The following OR2T33 variants were observed in gnomAD, a reference collection of about 807,000 sequenced individuals.
The protein encoded by OR2T33 is olfactory receptor family 2 subfamily T member 33.
OR2T33 carries 10 observed loss-of-function variants against 14.0 expected under a neutral mutation model. The ratio of observed to expected loss-of-function variants is 0.72; its 90% CI spans 0.44 to 1.22. The LOEUF is 1.22. Among genes scored for constraint, OR2T33 ranks in the 50% most tolerant of loss-of-function variants. OR2T33 has a pLI of 0.00. For missense variants in OR2T33, 276 were observed against 405.9 expected, an observed-to-expected ratio of 0.68 and a Z score of 2.75; for synonymous variants, 103 against 159.4, an observed-to-expected ratio of 0.65 and a Z score of 2.66.
In OR2T33 at chr1:248,273,346, G is replaced by C; in HGVS notation, c.469C>G (p.Gln157Glu). ...GGGAAGCTCAGGGTAACAACAGCCTGCAGGAGCCCGTCAGCTGCACCCAGG... is the reference window on the plus strand; with the variant it reads ...GGGAAGCTCAGGGTAACAACAGCCTCCAGGAGCCCGTCAGCTGCACCCAGG... ...WLLGAADGLLQAVVTLSFPYC... is the reference protein window; with the variant it reads ...WLLGAADGLLEAVVTLSFPYC... The change falls in exon 2 of 2, where the codon CAG (glutamine) becomes GAG (glutamate). Residue 157 changes from glutamine to glutamate, a missense_variant. Coordinates refer to ENST00000641220, the MANE Select transcript of OR2T33 (RefSeq NM_001004695.2). The C allele has an allele frequency of 6.2e-7, 1 of 1,611,986 alleles. No homozygotes were observed. Among genetic ancestry groups the C allele is most frequent in the Non-Finnish European group, 8.5e-7 (1 of 1,179,852 alleles).
At position 248,273,106 on chromosome 1, in the gene OR2T33, C is replaced by A; in HGVS notation, c.709G>T (p.Ala237Ser). ...ACAGCCACATGTGAAGAGCAGGTGGCAAAGGCCTTCTTGCGGGCTTCTGTA... is the reference window on the plus strand; with the variant it reads ...ACAGCCACATGTGAAGAGCAGGTGGAAAAGGCCTTCTTGCGGGCTTCTGTA... ...RSTEARKKAF[A>S]TCSSHVAVVG... Residue 237 changes from alanine (A) to serine (S), a missense_variant, in exon 2 of 2, where the codon GCC becomes TCC. Ala to Ser is a moderately conservative substitution (Grantham distance 99, BLOSUM62 1). Transcript: ENST00000641220. 1 of 1,612,132 alleles carries A rather than the reference C, an allele frequency of 6.2e-7. No individual in the cohort carries two copies. Among genetic ancestry groups the A allele is most frequent in the Non-Finnish European group, 8.5e-7 (1 of 1,179,820 alleles).
chr1:248,270,782 A>G lies in OR2T33; in HGVS notation c.*2070T>C, dbSNP rs1322568434. On this transcript the variant is annotated 3_prime_UTR_variant, in exon 2 of 2. Coordinates refer to ENST00000641220, the MANE Select transcript of OR2T33 (RefSeq NM_001004695.2). ...CCCACTAATCGTAGAAAACAAAATT[A>G]TATATTGGACTTTACAAAAATCAAA... 1 of 152,194 alleles carries G rather than the reference A, an allele frequency of 6.6e-6. No homozygotes were observed. Among genetic ancestry groups the G allele is most frequent in the Non-Finnish European group, 1.5e-5 (1 of 68,028 alleles). 9.4% of individuals were successfully genotyped at this position (152,194 alleles called of 1,614,324 possible).
rs1442558328 is a variant in OR2T33 at position 248,272,760 on chromosome 1, T to G, written c.*92A>C. ...TATCCTATTATATCAATGCAAAAAC[T>G]TAATTTTCTCTGCATGAATTGCTAA... On this transcript the variant is annotated 3_prime_UTR_variant, in exon 2 of 2. Transcript: ENST00000641220. 1.3e-6 allele frequency: 2 copies of G among 1,486,624 alleles called. No homozygotes were observed. Among genetic ancestry groups the G allele is most frequent in the East Asian group, 4.5e-5 (2 of 44,014 alleles). 92.1% of individuals were successfully genotyped at this position (1,486,624 alleles called of 1,614,324 possible).
Position 248,270,267 on chromosome 1 carries a change from TGTGGGGTGGGGGAA to T in OR2T33, c.*2571_*2584del, listed in dbSNP as rs1426237667. The T allele has an allele frequency of 6.6e-6, 1 of 151,804 alleles. No homozygotes were observed. The highest frequency in any genetic ancestry group is 1.9e-4 in the East Asian group (1 of 5,176). 9.4% of individuals were successfully genotyped at this position (151,804 alleles called of 1,614,324 possible). A position where few individuals can be genotyped will look rare whatever the true frequency, so the allele number is the denominator to read the frequency against. ...GGGAACATCACACACCGGGGCCTGT[TGTGGGGTGGGGGAA>T]GCGGGGAGGGATAGCACTAGGAGAT... On this transcript the variant is annotated 3_prime_UTR_variant, in exon 2 of 2. Transcript: ENST00000641220.
rs1306460862 is a variant in OR2T33 at position 248,272,789 on chromosome 1, G to T, written c.*63C>A. On this transcript the variant is annotated 3_prime_UTR_variant, in exon 2 of 2. Coordinates refer to ENST00000641220, the MANE Select transcript of OR2T33 (RefSeq NM_001004695.2). Reference sequence around the variant, plus strand: ...TTTTCTCTGCATGAATTGCTAAAGGGAGAGAATAACAATGTGTTAAAATAT... The same window carrying T: ...TTTTCTCTGCATGAATTGCTAAAGGTAGAGAATAACAATGTGTTAAAATAT... 12 of 1,526,682 alleles carry T rather than the reference G, an allele frequency of 7.9e-6. No homozygotes were observed. In the East Asian group the frequency reaches 1.4e-4, roughly 17 times the overall value. The allele number at this position is 1,526,682 out of a possible 1,614,324, so 94.6% of individuals were successfully genotyped here. A position where few individuals can be genotyped will look rare whatever the true frequency, so the allele number is the denominator to read the frequency against.
intron 1 of OR2T33, among the ~76,000 whole-genome samples, chr1:248,274,572 C>T (rs1659426929): frequency 6.6e-6 from 1 of 152,108 alleles, no homozygotes; most frequent in South Asian, 2.1e-4. Context: ...CCTCACACAA[C>T]ATTTTGCCAT....
In OR2T33 at chr1:248,272,882, G is replaced by C. The variant is rs142308940; in HGVS notation, c.933C>G (p.His311Gln). ...RWLGTCVNIK[H>Q]QQNEAHRSR is the part of the protein sequence containing the mutation. ...TTGACCTGTGGGCCTCATTTTGCTG[G>C]TGTTTTATGTTTACACACGTCCCCA... Residue 311 changes from histidine to glutamine, a missense_variant, in exon 2 of 2, where the codon CAC (histidine) becomes CAG (glutamine). Transcript: ENST00000641220. 1,272 of 1,613,520 alleles carry C rather than the reference G, an allele frequency of 7.9e-4. 2 individuals are homozygous for C. The highest frequency in any genetic ancestry group is 9.9e-4 in the Non-Finnish European group (1,172 of 1,179,776).
At chr1:248,276,762 G>T (rs752393824) in intron 1 of OR2T33, among the ~76,000 whole-genome samples, 3 of 152,212 alleles carry the variant, frequency 2.0e-5, no homozygotes. Context: ...TCAGCACATT[G>T]TATCAGTCAG....
chr1:248,273,966 G>A, intron 1 of OR2T33, 144 bp from the exon 2 acceptor site: 2 of 1,172,032 alleles, frequency 1.7e-6, no homozygotes, highest in Non-Finnish European at 2.4e-6. Context: ...CAGTGAGCAT[G>A]GCTTTTCCTG....
chr1:248,277,805 G>A lies in OR2T33; in HGVS notation c.-49C>T, dbSNP rs1037543917. Reference sequence around the variant, plus strand: ...TCACAGCCAGTGTGACATATATATGGGACTGAATCTTTCTGATGGTTTGAG... The same window carrying A: ...TCACAGCCAGTGTGACATATATATGAGACTGAATCTTTCTGATGGTTTGAG... On this transcript the variant is annotated 5_prime_UTR_variant, in exon 1 of 2. Coordinates refer to ENST00000641220, the MANE Select transcript of OR2T33 (RefSeq NM_001004695.2). 9.2e-5 allele frequency: 14 copies of A among 152,102 alleles called. No homozygotes were observed. The highest frequency in any genetic ancestry group is 2.1e-4 in the South Asian group (1 of 4,812). 9.4% of individuals were successfully genotyped at this position (152,102 alleles called of 1,614,324 possible).
Position 248,273,588 on chromosome 1 carries a change from A to C in OR2T33, c.227T>G (p.Val76Gly). 1 of 1,613,496 alleles carries C rather than the reference A, an allele frequency of 6.2e-7. No individual in the cohort carries two copies. The highest frequency in any genetic ancestry group is 1.3e-5 in the African/African-American group (1 of 75,042). Residue 76 changes from valine (V) to glycine (G), a missense_variant, in exon 2 of 2, where the codon GTG becomes GGG. Coordinates refer to ENST00000641220, the MANE Select transcript of OR2T33 (RefSeq NM_001004695.2). ...LMDMMLVSTT[V>G]PKMAADYLTG... ...CAAGTAGTCAGCCGCCATTTTGGGCACAGTGGTGGAAACCAGCATCATGTC... is the reference window on the plus strand; with the variant it reads ...CAAGTAGTCAGCCGCCATTTTGGGCCCAGTGGTGGAAACCAGCATCATGTC...
rs777287203 is a variant in OR2T33, at chr1:248,273,576, G to T, written c.239C>A (p.Ala80Glu). ...CTTACTTCCGGTCAAGTAGTCAGCC[G>T]CCATTTTGGGCACAGTGGTGGAAAC... is the stretch of plus-strand genomic sequence containing the variant. ...MLVSTTVPKM[A>E]ADYLTGSKAI... The change falls in exon 2 of 2, where the codon GCG (alanine) becomes GAG (glutamate). Residue 80 changes from alanine to glutamate, a missense_variant. Ala to Glu is a moderately radical substitution (Grantham distance 107). Coordinates refer to ENST00000641220, the MANE Select transcript of OR2T33 (RefSeq NM_001004695.2). The T allele has an allele frequency of 6.2e-7, 1 of 1,613,240 alleles. No individual in the cohort carries two copies. The highest frequency in any genetic ancestry group is 8.5e-7 in the Non-Finnish European group (1 of 1,179,872).
intron 1 of OR2T33, among the ~76,000 whole-genome samples, chr1:248,275,700 A>G (rs1400450089): frequency 6.6e-6 from 1 of 151,354 alleles, no homozygotes; most frequent in African/African-American, 2.4e-5. Flanking sequence ...AGTAAAATAA[A>G]ATAGAATAAT....
chr1:248,273,876 G>C, intron 1 of OR2T33, 54 bp from the exon 2 acceptor site: 1 of 1,558,660 alleles, frequency 6.4e-7, no homozygotes. Context: ...TTTATGGTCT[G>C]AATAACTGTT....
chr1:248,277,165 A>G (rs1189429298), intron 1 of OR2T33, among the ~76,000 whole-genome samples: 1 of 150,800 alleles, frequency 6.6e-6, no homozygotes. Context: ...GTATATTTAT[A>G]TTTACTTCTA....
Position 248,271,523 on chromosome 1 carries a change from C to T in OR2T33, c.*1329G>A, listed in dbSNP as rs1252908418. On this transcript the variant is annotated 3_prime_UTR_variant, in exon 2 of 2. Coordinates refer to ENST00000641220, the MANE Select transcript of OR2T33 (RefSeq NM_001004695.2). ...GAATAACCTTCTCTTGAGACATAGG[C>T]TCAGGATCTGCATGCACTGGTTAAG... 1 of 152,148 alleles carries T rather than the reference C, an allele frequency of 6.6e-6. No individual in the cohort carries two copies. The highest frequency in any genetic ancestry group is 1.5e-5 in the Non-Finnish European group (1 of 68,026). 9.4% of individuals were successfully genotyped at this position (152,148 alleles called of 1,614,324 possible). A position where few individuals can be genotyped will look rare whatever the true frequency, so the allele number is the denominator to read the frequency against.
chr1:248,276,576 A>G (rs1358612143), intron 1 of OR2T33, among the ~76,000 whole-genome samples: 1 of 152,168 alleles, frequency 6.6e-6, no homozygotes, highest in Non-Finnish European at 1.5e-5. Flanking sequence ...CTGAATGGTT[A>G]TACTTATTCA....
At position 248,273,298 on chromosome 1, in the gene OR2T33, C is replaced by G. The variant is rs772644245; in HGVS notation, c.517G>C (p.Asp173His). 10 of 1,610,386 alleles carry G rather than the reference C, an allele frequency of 6.2e-6. No individual in the cohort carries two copies. The highest frequency in any genetic ancestry group is 8.5e-6 in the Non-Finnish European group (10 of 1,179,092). ...ACGGGGGTCTCGCAGAAGAAGTGATCGATCTCGTGTGCACCACAATATGGG... is the reference window on the plus strand; with the variant it reads ...ACGGGGGTCTCGCAGAAGAAGTGATGGATCTCGTGTGCACCACAATATGGG... ...SFPYCGAHEI[D>H]HFFCETPVLV... The change falls in exon 2 of 2, where the codon GAT (aspartate) becomes CAT (histidine). Residue 173 changes from aspartate to histidine, a missense_variant. By Grantham distance (81) the Asp-to-His change is moderately conservative. Coordinates refer to ENST00000641220, the MANE Select transcript of OR2T33 (RefSeq NM_001004695.2).
intron 1 of OR2T33, among the ~76,000 whole-genome samples, chr1:248,274,711 A>T (rs2103032284): frequency 6.6e-6 from 1 of 152,358 alleles, no homozygotes; most frequent in South Asian, 2.1e-4. Flanking sequence ...TACTTCGAGT[A>T]AGAAAAGGAT....
Sources: allele counts gnomAD v4.1 joint callset (sites outside exome capture counted in the v4.1 genomes callset), GRCh38; gene constraint gnomAD v4.1.1; transcripts MANE v1.5; gene names NCBI Gene and HGNC (gene_info 2026-07-23, HGNC 2026-07-21).